Variants in SMIM31 observed in about 807,000 individuals in gnomAD.
SMIM31 encodes human epithelial cell program regulator.
chr4:164,786,357 G>T (rs1733025723), intron 2 of SMIM31, among the ~76,000 whole-genome samples: 1 of 152,102 alleles, frequency 6.6e-6, no homozygotes, highest in Non-Finnish European at 1.5e-5. Flanking sequence ...CCAGGGCCTA[G>T]TCTGTGTTCC....
At chr4:164,761,250 A>G (rs1411225615) in intron 1 of SMIM31, among the ~76,000 whole-genome samples, 8 of 152,232 alleles carry the variant, frequency 5.3e-5, no homozygotes, top group Non-Finnish European at 1.5e-5. Context: ...TCTTTCTACT[A>G]TGAAGAAGTA....
chr4:164,764,394 C>T (rs1012763041), intron 1 of SMIM31, among the ~76,000 whole-genome samples: 3 of 151,926 alleles, frequency 2.0e-5, no homozygotes, highest in Non-Finnish European at 4.4e-5. Flanking sequence ...TGGTGAAATC[C>T]TGTCTCTACT....
chr4:164,800,407 C>T (rs1012328503), intron 2 of SMIM31, among the ~76,000 whole-genome samples: 5 of 152,076 alleles, frequency 3.3e-5, no homozygotes, highest in African/African-American at 1.2e-4. Context: ...GGGATTTCGC[C>T]CTGTTGGCCG....
intron 2 of SMIM31, among the ~76,000 whole-genome samples, chr4:164,779,118 C>G (rs1050210168): frequency 1.3e-5 from 2 of 151,970 alleles, no homozygotes; most frequent in Admixed American, 1.3e-4. Flanking sequence ...GTCTTTTGGT[C>G]GCAGAGAAGT....
intron 1 of SMIM31, among the ~76,000 whole-genome samples, chr4:164,766,035 T>G (rs1732716566): frequency 6.6e-6 from 1 of 152,062 alleles, no homozygotes; most frequent in Non-Finnish European, 1.5e-5. Context: ...CGCGAGAGAA[T>G]GAACGGATGG....
intron 2 of SMIM31, among the ~76,000 whole-genome samples, chr4:164,779,251 C>T (rs187574577): frequency 3.9e-4 from 60 of 152,266 alleles, no homozygotes; most frequent in African/African-American, 9.4e-4. Context: ...CAGCTATTTC[C>T]GTAGCGTGTG....
Position 164,801,881 on chromosome 4 carries a change from T to A in SMIM31, c.*687T>A, listed in dbSNP as rs1212902672. On this transcript the variant is annotated 3_prime_UTR_variant, in exon 3 of 3. Coordinates refer to ENST00000507311, the MANE Select transcript of SMIM31 (RefSeq NM_001352885.1). ...GCATCCAGGAAAATTTGTCATTCTG[T>A]GTCCTTTATTCATCCTAAAAGTTGA... The A allele has an allele frequency of 1.3e-5, 2 of 152,154 alleles. No homozygotes were observed. The highest frequency in any genetic ancestry group is 3.9e-4 in the East Asian group (2 of 5,194). The allele number at this position is 152,154 out of a possible 1,614,324, so 9.4% of individuals were successfully genotyped here.
chr4:164,757,937 A>G (rs1003210760), intron 1 of SMIM31, among the ~76,000 whole-genome samples: 2 of 151,192 alleles, frequency 1.3e-5, no homozygotes, highest in African/African-American at 4.9e-5. Context: ...ATCAATTTCT[A>G]CAAAAAAGCA....
chr4:164,754,682 C>A (rs1392504536), intron 1 of SMIM31, among the ~76,000 whole-genome samples: 1 of 145,892 alleles, frequency 6.9e-6, no homozygotes, highest in Non-Finnish European at 1.5e-5. Context: ...GTTTATTTGT[C>A]CTAGTTTTGT....
At chr4:164,783,232 A>AAAAGAAC (rs147369524) in intron 2 of SMIM31, among the ~76,000 whole-genome samples, 1 of 127,226 alleles carries the variant, frequency 7.9e-6, no homozygotes, top group Non-Finnish European at 1.6e-5. Flanking sequence ...AAAAAAAAAA[A>AAAAGAAC]GGAATTTCTG....
chr4:164,798,227 T>A (rs1357349312), intron 2 of SMIM31, among the ~76,000 whole-genome samples: 6 of 69,190 alleles, frequency 8.7e-5, no homozygotes, highest in Non-Finnish European at 2.0e-4. Context: ...TATAATGATT[T>A]TTATTTTTTT....
rs1271007097 is a variant in SMIM31 at position 164,798,378 on chromosome 4, C to T, written c.113-2713C>T. Reference sequence around the variant, plus strand: ...CCTCCTGAGTAGCTGGGACTACAGGCGCCCACCACCATGCCCAGTTAATAT... The same window carrying T: ...CCTCCTGAGTAGCTGGGACTACAGGTGCCCACCACCATGCCCAGTTAATAT... On this transcript the variant is annotated intron_variant, in intron 2 of 2. Transcript: ENST00000507311. Among the ~76,000 whole-genome samples the T allele has an allele frequency of 6.6e-5, 10 of 151,844 alleles. No homozygotes were observed. In the East Asian group the frequency reaches 1.7e-3, roughly 27 times the overall value.
intron 1 of SMIM31, 27 bp downstream of exon 1, chr4:164,754,438 A>T: frequency 7.2e-6 from 1 of 138,238 alleles, no homozygotes. Flanking sequence ...CCCCTATTTT[A>T]TTTACCTCAA....
rs552749053 is a variant in SMIM31 at position 164,761,829 on chromosome 4, C to G, written c.-26+7418C>G. 9.2e-5 allele frequency among the ~76,000 whole-genome samples: 14 copies of G among 151,822 alleles called. 1 individual carries two copies. The highest frequency in any genetic ancestry group is 3.4e-4 in the African/African-American group (14 of 41,424). Reference sequence around the variant, plus strand: ...ATCCCATCTACTCAGGAGGCTGAGACAGAGAAGTGCTTGAACCCGGGAAGG... The same window carrying G: ...ATCCCATCTACTCAGGAGGCTGAGAGAGAGAAGTGCTTGAACCCGGGAAGG... On this transcript the variant is annotated intron_variant, in intron 1 of 2. Transcript: ENST00000507311.
At chr4:164,758,934 C>T (rs1732609833) in intron 1 of SMIM31, among the ~76,000 whole-genome samples, 1 of 147,230 alleles carries the variant, frequency 6.8e-6, no homozygotes, top group South Asian at 2.1e-4. Flanking sequence ...TCCCAAAGTG[C>T]TAGGATTACA....
At chr4:164,769,742 TA>T (rs57603306) in intron 1 of SMIM31, among the ~76,000 whole-genome samples, 80,374 of 143,014 alleles carry the variant, frequency 0.56, 21,884 homozygotes, top group Admixed American at 0.63. Flanking sequence ...ACTTAAAGTA[TA>T]AAAAAAAAAA....
intron 2 of SMIM31, among the ~76,000 whole-genome samples, chr4:164,783,416 C>T (rs528913433): frequency 5.3e-5 from 8 of 150,752 alleles, no homozygotes; most frequent in African/African-American, 9.8e-5. Context: ...CCCAGCTTCT[C>T]GGGAGGCTGA....
intron 1 of SMIM31, among the ~76,000 whole-genome samples, chr4:164,763,465 G>T (rs191892207): frequency 2.8e-4 from 43 of 152,088 alleles, no homozygotes; most frequent in African/African-American, 9.4e-4. Flanking sequence ...GAACCAAATA[G>T]AAATTCAGGC....
chr4:164,774,362 G>A (rs554699402), intron 2 of SMIM31, among the ~76,000 whole-genome samples: 2 of 152,200 alleles, frequency 1.3e-5, no homozygotes, highest in East Asian at 3.9e-4. Context: ...TGTAAGGGAA[G>A]GTAAAGTTAT....
Sources: gnomAD v4.1 joint callset for allele counts (sites outside exome capture counted in the v4.1 genomes callset) on GRCh38, gnomAD v4.1.1 for gene constraint, MANE v1.5 for transcripts, NCBI Gene and HGNC (gene_info 2026-07-23, HGNC 2026-07-21) for gene names.